MALRD1: variants seen among roughly 807,000 people sequenced by gnomAD.
MALRD1 encodes the protein MAM and LDL-receptor class A domain-containing protein 1.
A neutral mutation model predicts 242.1 loss-of-function variants in MALRD1; 247 were observed. The observed-to-expected ratio is 1.02, with a 90% confidence interval of 0.92 to 1.13. The LOEUF (loss-of-function observed/expected upper bound fraction) is 1.13. Among genes scored for constraint, MALRD1 ranks in the 50% most tolerant of loss-of-function variants. MALRD1 has a pLI of 0.00. For missense variants in MALRD1, 2,989 were observed against 2,533.1 expected (o/e 1.18, Z -3.86); for synonymous variants, 995 against 866.6 (o/e 1.15, Z -2.60).
chr10:19,592,388 C>T (rs534448673), intron 33 of MALRD1, among the ~76,000 whole-genome samples: 106 of 152,352 alleles, frequency 7.0e-4, no homozygotes, highest in Non-Finnish European at 1.3e-3. Context: ...CCTGGGCCAT[C>T]TTATCTCCAA....
intron 23 of MALRD1, among the ~76,000 whole-genome samples, chr10:19,329,374 T>C (rs563159406): frequency 6.6e-5 from 10 of 151,904 alleles, no homozygotes; most frequent in Non-Finnish European, 1.3e-4. Context: ...AATGGTATGC[T>C]GAAGCATCAC....
chr10:19,502,723 C>G (rs1274131823), intron 31 of MALRD1, among the ~76,000 whole-genome samples: 1 of 152,178 alleles, frequency 6.6e-6, no homozygotes, highest in South Asian at 2.1e-4. Flanking sequence ...ATATTATCTG[C>G]CATAATCTTC....
chr10:19,555,735 C>T (rs931591778), intron 32 of MALRD1, among the ~76,000 whole-genome samples: 2 of 152,028 alleles, frequency 1.3e-5, no homozygotes, highest in Admixed American at 1.3e-4. Flanking sequence ...TAAAGTGCCC[C>T]CTTTGATAGA....
At chr10:19,595,485 T>C in intron 34 of MALRD1, 28 bp downstream of exon 34, 1 of 1,535,880 alleles carries the variant, frequency 6.5e-7, no homozygotes, top group Non-Finnish European at 8.8e-7. Flanking sequence ...ACTCAATGTG[T>C]AAGGGAAGGC....
At chr10:19,532,039 G>C (rs1834439483) in intron 32 of MALRD1, among the ~76,000 whole-genome samples, 2 of 151,910 alleles carry the variant, frequency 1.3e-5, no homozygotes, top group Non-Finnish European at 2.9e-5. Flanking sequence ...ATCAAATATG[G>C]TCCTCTGTAA....
chr10:19,148,617 A>G (rs1588615032), intron 11 of MALRD1, among the ~76,000 whole-genome samples: 1 of 151,884 alleles, frequency 6.6e-6, no homozygotes, highest in South Asian at 2.1e-4. Context: ...AGATTCTAAT[A>G]GAGCCCCTGT....
intron 18 of MALRD1, among the ~76,000 whole-genome samples, chr10:19,238,380 A>C (rs1377774978): frequency 1.4e-5 from 1 of 69,766 alleles, no homozygotes; most frequent in Non-Finnish European, 2.5e-5. Flanking sequence ...TATTATACAT[A>C]ATATATTATA....
intron 2 of MALRD1, among the ~76,000 whole-genome samples, chr10:19,073,159 C>T (rs1487011762): frequency 6.6e-6 from 1 of 152,110 alleles, no homozygotes; most frequent in Non-Finnish European, 1.5e-5. Flanking sequence ...AAGTGATCTG[C>T]CCACCTTGGC....
chr10:19,579,658 A>T (rs924939734), intron 33 of MALRD1, among the ~76,000 whole-genome samples: 6 of 152,082 alleles, frequency 3.9e-5, no homozygotes, highest in Admixed American at 2.6e-4. Flanking sequence ...CTGTAATTTT[A>T]GGGTTTTATG....
chr10:19,311,292 T>TA (rs1842413477), intron 21 of MALRD1, among the ~76,000 whole-genome samples: 3 of 151,432 alleles, frequency 2.0e-5, no homozygotes, highest in South Asian at 2.1e-4. Context: ...AAGTTTCTTA[T>TA]AAAAAAAGAA....
chr10:19,381,566 G>T (rs1179143536), intron 26 of MALRD1, among the ~76,000 whole-genome samples: 2 of 151,568 alleles, frequency 1.3e-5, no homozygotes, highest in Non-Finnish European at 2.9e-5. Context: ...GGTGGCTCAC[G>T]CTTGTAATCC....
intron 38 of MALRD1, among the ~76,000 whole-genome samples, chr10:19,725,899 AG>A (rs1328282558): frequency 6.6e-6 from 1 of 152,208 alleles, no homozygotes; most frequent in Non-Finnish European, 1.5e-5. Context: ...GCAATGCAAA[AG>A]AATGCAGATG....
At chr10:19,299,807 A>G (rs1212295292) in intron 21 of MALRD1, among the ~76,000 whole-genome samples, 1 of 151,930 alleles carries the variant, frequency 6.6e-6, no homozygotes, top group African/African-American at 2.4e-5. Flanking sequence ...GAGAACCAGA[A>G]CAAGACAAGG....
chr10:19,097,829 C>T (rs1347709470), intron 4 of MALRD1, among the ~76,000 whole-genome samples: 2 of 152,160 alleles, frequency 1.3e-5, no homozygotes, highest in Admixed American at 6.5e-5. Context: ...AATGTCGATT[C>T]TTGCAAAACA....
In MALRD1 at chr10:19,424,440, A is replaced by G. The variant is rs1179600293; in HGVS notation, c.4846-25867A>G. On this transcript the variant is annotated intron_variant, in intron 28 of 39. Coordinates refer to ENST00000454679, the MANE Select transcript of MALRD1 (RefSeq NM_001142308.3). ...CTCCCAAAGTTCTGGGATCACAGGC[A>G]TGAGCCACCATGCCCAGCTGCTAAT... 2.0e-5 allele frequency among the ~76,000 whole-genome samples: 3 copies of G among 152,192 alleles called. No homozygotes were observed. The East Asian group carries it at 5.8e-4, about 29-fold the overall frequency.
rs572523296 is a variant in MALRD1, at chr10:19,510,348, G to A, written c.5320+11702G>A. ...TCCTCCTCAGCACAGACCCTTTACAGGTGTCGGGCTGGGGGATGGTCAGGT... is the reference window on the plus strand; with the variant it reads ...TCCTCCTCAGCACAGACCCTTTACAAGTGTCGGGCTGGGGGATGGTCAGGT... On this transcript the variant is annotated intron_variant, in intron 31 of 39. Coordinates refer to ENST00000454679, the MANE Select transcript of MALRD1 (RefSeq NM_001142308.3). 2.8e-3 allele frequency among the ~76,000 whole-genome samples: 425 copies of A among 152,220 alleles called. 3 individuals are homozygous for A. The highest frequency in any genetic ancestry group is 2.6e-3 in the Non-Finnish European group (175 of 68,006).
At chr10:19,567,833 A>G in intron 33 of MALRD1, 130 bp downstream of exon 33, 1 of 806,994 alleles carries the variant, frequency 1.2e-6, no homozygotes, top group Non-Finnish European at 1.9e-6. Flanking sequence ...GAAAAGAGTC[A>G]CATATACTAA....
At chr10:19,272,711 T>C (rs905358489) in intron 19 of MALRD1, among the ~76,000 whole-genome samples, 4 of 152,032 alleles carry the variant, frequency 2.6e-5, no homozygotes, top group African/African-American at 9.7e-5. Context: ...GGCTCCGGTG[T>C]GTAATATTCC....
At position 19,104,015 on chromosome 10, in the gene MALRD1, C is replaced by A; in HGVS notation, c.634C>A (p.Gln212Lys). The A allele has an allele frequency of 1.6e-6, 2 of 1,233,772 alleles. No individual in the cohort carries two copies. The highest frequency in any genetic ancestry group is 2.0e-6 in the Non-Finnish European group (2 of 988,074). The allele number at this position is 1,233,772 out of a possible 1,614,324, so 76.4% of individuals were successfully genotyped here. A position where few individuals can be genotyped will look rare whatever the true frequency, so the allele number is the denominator to read the frequency against. The change falls in exon 5 of 40, where the codon CAG (glutamine) becomes AAG (lysine). Residue 212 changes from glutamine (Q) to lysine (K), a missense_variant. Transcript: ENST00000454679. ...AGGTCAAATGGCTTCAACGTATGAA[C>A]AGGATGAAGTCATTGCTATTGATGA... ...FEGQMASTYE[Q>K]DEVIAIDDIS...
Sources: allele counts gnomAD v4.1 joint callset (sites outside exome capture counted in the v4.1 genomes callset), GRCh38; gene constraint gnomAD v4.1.1; transcripts MANE v1.5; gene names NCBI Gene and HGNC (gene_info 2026-07-23, HGNC 2026-07-21).